The following INTS15 variants were observed in gnomAD, a reference collection of about 807,000 sequenced individuals.
INTS15 encodes uncharacterized protein C7orf26.
chr7:6,597,261 T>C, the INTS15 span, among the ~76,000 whole-genome samples: 1 of 151,716 alleles, frequency 6.6e-6, no homozygotes, highest in African/African-American at 2.4e-5. Flanking sequence ...AGGAAAGATT[T>C]CACTGAACCC....
chr7:6,603,839 C>CA, the INTS15 span, among the ~76,000 whole-genome samples: 61 of 145,374 alleles, frequency 4.2e-4, no homozygotes, highest in African/African-American at 5.0e-4. Context: ...AACTCCGTTT[C>CA]AAAAAAAAAA....
chr7:6,608,098 G>GGC, the INTS15 span: 7 of 1,311,192 alleles, frequency 5.3e-6, no homozygotes, highest in Non-Finnish European at 7.1e-6. Context: ...ACCCCGCCCT[G>GGC]CCCACGCATC....
At chr7:6,607,476 G>A in the INTS15 span, 154 of 1,251,058 alleles carry the variant, frequency 1.2e-4, no homozygotes, top group Non-Finnish European at 1.5e-4. This position sits in a 1 kb window ranked among gnomAD's most constrained non-coding sequence, Gnocchi z 6.0. Context: ...GGTCTGTAAC[G>A]GCTGGGTCCA....
the INTS15 span, chr7:6,590,159 GC>G: frequency 2.5e-6 from 2 of 806,390 alleles, no homozygotes; most frequent in Non-Finnish European, 3.4e-6. Flanking sequence ...CGGCAGGCGG[GC>G]AAGCGGGCGG....
the INTS15 span, chr7:6,602,339 C>A: frequency 1.8e-6 from 1 of 547,560 alleles, no homozygotes; most frequent in African/African-American, 1.9e-5. Context: ...TGCTGGTAGT[C>A]TGTGAGAGAG....
the INTS15 span, chr7:6,591,801 A>G: frequency 1.9e-6 from 3 of 1,613,940 alleles, no homozygotes; most frequent in African/African-American, 4.0e-5. Context: ...TGTTGGGAAA[A>G]CTGGTCTCCA....
At chr7:6,602,685 C>CAGTG in the INTS15 span, 1 of 471,146 alleles carries the variant, frequency 2.1e-6, no homozygotes, top group Admixed American at 2.3e-5. Context: ...GGATGAGACC[C>CAGTG]AGTGGTGTTT....
chr7:6,590,558 C>A, the INTS15 span: 1 of 1,406,258 alleles, frequency 7.1e-7, no homozygotes. Context: ...CTGTGTCAAG[C>A]CGCGGGCGCC....
chr7:6,607,007 T>A, the INTS15 span, among the ~76,000 whole-genome samples: 1 of 151,224 alleles, frequency 6.6e-6, no homozygotes, highest in Admixed American at 6.6e-5. This position sits in a 1 kb window ranked among gnomAD's most constrained non-coding sequence, Gnocchi z 6.0. Flanking sequence ...CCAAGAGAGG[T>A]TCTGACTGGG....
At chr7:6,599,683 G>A in the INTS15 span, 1 of 754,342 alleles carries the variant, frequency 1.3e-6, no homozygotes, top group Non-Finnish European at 2.2e-6. Context: ...TAGGAAAGGG[G>A]ACAGAAAATA....
the INTS15 span, among the ~76,000 whole-genome samples, chr7:6,593,369 C>T: frequency 3.1e-4 from 42 of 134,886 alleles, no homozygotes; most frequent in Middle Eastern, 0.013. Flanking sequence ...CTTTCTCTGT[C>T]GCCCAAGCTG....
chr7:6,590,524 G>A, the INTS15 span: 2 of 1,494,716 alleles, frequency 1.3e-6, no homozygotes, highest in Non-Finnish European at 1.8e-6. Flanking sequence ...CGGGCGGGCG[G>A]GCCTTTTCCC....
chr7:6,608,011 G>A, the INTS15 span: 4 of 1,600,084 alleles, frequency 2.5e-6, no homozygotes, highest in African/African-American at 1.3e-5. Flanking sequence ...CTCACGCCGC[G>A]CTCCCCCCGG....
At chr7:6,600,426 C>T in the INTS15 span, 25 of 1,433,436 alleles carry the variant, frequency 1.7e-5, no homozygotes, top group East Asian at 6.0e-4. Flanking sequence ...AGGAGGGGCT[C>T]CTGGACAGAC....
chr7:6,596,305 C>T, the INTS15 span, among the ~76,000 whole-genome samples: 2 of 151,382 alleles, frequency 1.3e-5, no homozygotes, highest in African/African-American at 4.9e-5. Flanking sequence ...CCACCCATCT[C>T]GGCCTCCCAA....
At chr7:6,608,456 T>C in the INTS15 span, 1 of 1,276,280 alleles carries the variant, frequency 7.8e-7, no homozygotes, top group Non-Finnish European at 9.9e-7. Flanking sequence ...ACAGCCTGTG[T>C]GGCGAGGAGT....
chr7:6,593,924 G>A, the INTS15 span, among the ~76,000 whole-genome samples: 1 of 145,056 alleles, frequency 6.9e-6, no homozygotes, highest in Non-Finnish European at 1.5e-5. Flanking sequence ...GTGTTGGGAT[G>A]ACAGGCATGA....
chr7:6,597,788 C>T, the INTS15 span, among the ~76,000 whole-genome samples: 2 of 152,330 alleles, frequency 1.3e-5, no homozygotes, highest in Admixed American at 1.3e-4. Context: ...CAAGTCACTG[C>T]CACACAGCAG....
chr7:6,590,585 C>G, the INTS15 span: 4 of 1,388,834 alleles, frequency 2.9e-6, no homozygotes, highest in South Asian at 4.8e-5. Context: ...CCAGGATCCC[C>G]GCGCTCGCGC....
Sources: allele counts gnomAD v4.1 joint callset (sites outside exome capture counted in the v4.1 genomes callset), GRCh38; gene constraint gnomAD v4.1.1; non-coding constraint Gnocchi (gnomAD v3.1); transcripts MANE v1.5; gene names NCBI Gene and HGNC (gene_info 2026-07-23, HGNC 2026-07-21).